The following ZBTB7C variants were observed in gnomAD, a reference collection of about 807,000 sequenced individuals.
ZBTB7C encodes zinc finger and BTB domain containing 7C.
ZBTB7C carries 8 observed loss-of-function variants against 25.7 expected under a neutral mutation model. That is an observed-to-expected ratio of 0.31 (90% CI 0.18 to 0.56). ZBTB7C has a LOEUF of 0.56. Ranked by LOEUF, ZBTB7C falls within the 20% of genes least tolerant of loss-of-function variation. The pLI is 0.91. For missense variants in ZBTB7C, 824 were observed against 855.2 expected (o/e 0.96, Z 0.46); for synonymous variants, 394 against 369.0 (o/e 1.07, Z -0.78).
In ZBTB7C at chr18:48,326,038, T is replaced by C. The variant is rs552759577; in HGVS notation, c.-79+12136A>G. Among the ~76,000 whole-genome samples the C allele has an allele frequency of 4.6e-5, 7 of 151,454 alleles. No homozygotes were observed. In the South Asian group the frequency reaches 1.5e-3, roughly 32 times the overall value. The stretch of plus-strand genomic sequence containing the variant: ...TGCTGGGGGACAGAGCATAAGGACC[T>C]GGGAACAAAGTCTTGTTCACTTATC... On this transcript the variant is annotated intron_variant, in intron 2 of 4. Transcript: ENST00000590800.
intron 2 of ZBTB7C, among the ~76,000 whole-genome samples, chr18:48,231,664 G>A (rs1052419815): frequency 2.0e-5 from 3 of 152,166 alleles, no homozygotes; most frequent in African/African-American, 7.2e-5. Context: ...CCGATGGTGG[G>A]GCTGAAAGAG....
chr18:48,214,242 A>G (rs2042771183), intron 2 of ZBTB7C, among the ~76,000 whole-genome samples: 1 of 152,142 alleles, frequency 6.6e-6, no homozygotes, highest in Non-Finnish European at 1.5e-5. Flanking sequence ...CACCTCCAGA[A>G]CTTTTTTTCA....
chr18:48,400,540 C>T (rs1189203000), intron 1 of ZBTB7C, among the ~76,000 whole-genome samples: 2 of 152,148 alleles, frequency 1.3e-5, no homozygotes, highest in Admixed American at 6.5e-5. Context: ...CACCTAGAGG[C>T]CCTGCTGCTT....
rs1004370913 is a variant in ZBTB7C at position 48,238,225 on chromosome 18, G to T, written c.-78-52230C>A. On this transcript the variant is annotated intron_variant, in intron 2 of 4. Transcript: ENST00000590800. ...GTTTGCATTATAACTATTAATATTTGTTAAACTGTGCATATAAGTGTTATG... is the reference window on the plus strand; with the variant it reads ...GTTTGCATTATAACTATTAATATTTTTTAAACTGTGCATATAAGTGTTATG... 5.3e-5 allele frequency among the ~76,000 whole-genome samples: 8 copies of T among 152,256 alleles called. No individual in the cohort carries two copies. The East Asian group carries it at 1.2e-3, about 22-fold the overall frequency.
At chr18:48,083,024 T>A (rs2038049943) in intron 3 of ZBTB7C, among the ~76,000 whole-genome samples, 1 of 152,206 alleles carries the variant, frequency 6.6e-6, no homozygotes, top group Non-Finnish European at 1.5e-5. Context: ...ACATGATCAG[T>A]GTTCACCAAA....
At chr18:48,054,369 C>T (rs972143877) in intron 3 of ZBTB7C, among the ~76,000 whole-genome samples, 1 of 152,218 alleles carries the variant, frequency 6.6e-6, no homozygotes, top group Admixed American at 6.5e-5. Flanking sequence ...TTCTCTACCC[C>T]AGACCTCCAT....
At chr18:48,370,776 C>T (rs921988716) in intron 1 of ZBTB7C, among the ~76,000 whole-genome samples, 2 of 152,100 alleles carry the variant, frequency 1.3e-5, no homozygotes, top group Non-Finnish European at 2.9e-5. Flanking sequence ...TATAAATTTG[C>T]ACTGATTTTT....
intron 3 of ZBTB7C, among the ~76,000 whole-genome samples, chr18:48,151,648 G>A (rs77690486): frequency 2.8e-3 from 429 of 152,260 alleles, no homozygotes; most frequent in African/African-American, 1.0e-2. Context: ...GGGCCAGGGC[G>A]TTTTGCCACT....
At chr18:48,289,726 A>G (rs2045164871) in intron 2 of ZBTB7C, among the ~76,000 whole-genome samples, 1 of 152,152 alleles carries the variant, frequency 6.6e-6, no homozygotes, top group Non-Finnish European at 1.5e-5. Context: ...GGCACATACA[A>G]CCACACACAG....
At chr18:48,276,558 T>C (rs2144607032) in intron 2 of ZBTB7C, among the ~76,000 whole-genome samples, 1 of 115,770 alleles carries the variant, frequency 8.6e-6, no homozygotes, top group East Asian at 2.5e-4. Context: ...GTGTTTGGTT[T>C]TTTGTTCTTG....
chr18:48,341,488 C>G (rs752849760), intron 1 of ZBTB7C, among the ~76,000 whole-genome samples: 1 of 152,230 alleles, frequency 6.6e-6, no homozygotes, highest in Non-Finnish European at 1.5e-5. Flanking sequence ...CTGAGGAGAG[C>G]GGACAGGCTC....
intron 3 of ZBTB7C, among the ~76,000 whole-genome samples, chr18:48,048,207 G>C (rs2036548761): frequency 6.9e-6 from 1 of 144,296 alleles, no homozygotes; most frequent in African/African-American, 2.5e-5. Context: ...ATCCCTGTGG[G>C]CTGGGGGTCA....
intron 3 of ZBTB7C, among the ~76,000 whole-genome samples, chr18:48,059,915 G>A (rs1370350220): frequency 6.6e-6 from 1 of 152,122 alleles, no homozygotes; most frequent in East Asian, 1.9e-4. Context: ...CAGCTGGTGG[G>A]AGGGTGCGAC....
intron 3 of ZBTB7C, among the ~76,000 whole-genome samples, chr18:48,184,819 T>TTCTC (rs34659373): frequency 5.4e-5 from 8 of 147,822 alleles, no homozygotes; most frequent in African/African-American, 1.3e-4. Flanking sequence ...GTGGAGAATT[T>TTCTC]TCTCTCTCTC....
chr18:48,260,196 T>C (rs1742639821), intron 2 of ZBTB7C, among the ~76,000 whole-genome samples: 1 of 152,164 alleles, frequency 6.6e-6, no homozygotes, highest in African/African-American at 2.4e-5. Flanking sequence ...CAACAACTTG[T>C]ATTAATCTCA....
intron 4 of ZBTB7C, among the ~76,000 whole-genome samples, chr18:48,034,114 C>A (rs2035871329): frequency 6.6e-6 from 1 of 152,144 alleles, no homozygotes; most frequent in Admixed American, 6.5e-5. Flanking sequence ...GAGCTGAGCT[C>A]TTAGTTACTT....
intron 2 of ZBTB7C, among the ~76,000 whole-genome samples, chr18:48,259,656 C>G (rs1317282566): frequency 6.6e-6 from 1 of 152,026 alleles, no homozygotes; most frequent in Non-Finnish European, 1.5e-5. Flanking sequence ...ATATAACTCC[C>G]AAAGCTCAAC....
chr18:48,031,581 G>A (rs953486216), intron 4 of ZBTB7C, among the ~76,000 whole-genome samples: 4 of 152,184 alleles, frequency 2.6e-5, no homozygotes, highest in South Asian at 4.1e-4. Flanking sequence ...ACTTAAGGAT[G>A]CATTCGAACC....
chr18:48,296,387 C>T (rs1029033236), intron 2 of ZBTB7C, among the ~76,000 whole-genome samples: 3 of 152,360 alleles, frequency 2.0e-5, no homozygotes, highest in Non-Finnish European at 2.9e-5. Flanking sequence ...CCCTCACCAC[C>T]AAGCCTAAGG....
Sources: allele counts gnomAD v4.1 joint callset (sites outside exome capture counted in the v4.1 genomes callset), GRCh38; gene constraint gnomAD v4.1.1; transcripts MANE v1.5; gene names NCBI Gene and HGNC (gene_info 2026-07-23, HGNC 2026-07-21).